Variants in RRP15 observed in about 807,000 individuals in gnomAD.
The protein encoded by RRP15 is ribosomal RNA processing 15 homolog.
RRP15 carries 18 observed loss-of-function variants against 27.1 expected under a neutral mutation model. That is an observed-to-expected ratio of 0.66 (90% CI 0.46 to 0.98). The LOEUF (loss-of-function observed/expected upper bound fraction) is 0.98, where lower values mean the gene tolerates loss of function less well. Among genes scored for constraint, RRP15 ranks in the 50% least tolerant of loss-of-function variants. RRP15 has a pLI of 0.00. For missense variants in RRP15, 359 were observed against 337.8 expected (o/e 1.06, Z -0.49); for synonymous variants, 107 against 109.4 (o/e 0.98, Z 0.14).
chr1:218,302,480 C>G lies in RRP15; in HGVS notation c.326C>G (p.Pro109Arg), dbSNP rs1655827214. The change falls in exon 2 of 5, where the codon CCT becomes CGT. Residue 109 changes from proline (P) to arginine (R), a missense_variant. Transcript: ENST00000366932. ...AACAAGAAAACTCCTGAAAGTAAAC[C>G]TACTATTCTGGTCAAAAATAAGAAG... ...VLNKKTPESK[P>R]TILVKNKKLE... is the part of the protein sequence containing the mutation. The G allele has an allele frequency of 6.2e-7, 1 of 1,614,036 alleles. No homozygotes were observed. Among genetic ancestry groups the G allele is most frequent in the Non-Finnish European group, 8.5e-7 (1 of 1,179,998 alleles).
chr1:218,316,046 T>C (rs1656085483), intron 4 of RRP15, among the ~76,000 whole-genome samples: 1 of 152,198 alleles, frequency 6.6e-6, no homozygotes, highest in African/African-American at 2.4e-5. Flanking sequence ...CAGTTTCCCA[T>C]TGTATTTATG....
intron 4 of RRP15, among the ~76,000 whole-genome samples, chr1:218,319,386 A>G (rs1558210371): frequency 6.6e-6 from 1 of 152,126 alleles, no homozygotes; most frequent in Non-Finnish European, 1.5e-5. Flanking sequence ...TTAAAATGTC[A>G]TGGACATAGG....
chr1:218,305,877 C>T (rs1274422375), intron 3 of RRP15, among the ~76,000 whole-genome samples: 1 of 151,998 alleles, frequency 6.6e-6, no homozygotes, highest in Non-Finnish European at 1.5e-5. Context: ...AGCCAGTGCT[C>T]GGTTCAAATC....
chr1:218,313,232 A>G (rs1230246372), intron 4 of RRP15, among the ~76,000 whole-genome samples: 1 of 152,190 alleles, frequency 6.6e-6, no homozygotes, highest in East Asian at 1.9e-4. Context: ...TGGTCAGAAG[A>G]CCAATTAGTG....
chr1:218,296,635 C>G (rs1366997967), intron 1 of RRP15, among the ~76,000 whole-genome samples: 10 of 149,776 alleles, frequency 6.7e-5, no homozygotes, highest in African/African-American at 2.5e-4. Flanking sequence ...CAGAGTGAGA[C>G]CTTGTCTCAA....
chr1:218,315,081 T>G (rs1345957708), intron 4 of RRP15, among the ~76,000 whole-genome samples: 1 of 152,116 alleles, frequency 6.6e-6, no homozygotes, highest in Non-Finnish European at 1.5e-5. Flanking sequence ...AAAGAGTTAC[T>G]GGAAGAGTCC....
At chr1:218,307,386 G>T in intron 3 of RRP15, 45 bp from the exon 4 acceptor site, 1 of 1,507,976 alleles carries the variant, frequency 6.6e-7, no homozygotes, top group East Asian at 2.3e-5. Flanking sequence ...TTGTATTCTA[G>T]GGTAATTATT....
In RRP15 at chr1:218,336,161, G is replaced by T. The variant is rs1460118532; in HGVS notation, c.*5070G>T. On this transcript the variant is annotated 3_prime_UTR_variant, in exon 5 of 5. Transcript: ENST00000366932. ...GTTTCCTAAGTAAGTGTATTTAGTT[G>T]TAGGACCTTAGAGTTGCCTAGGTCC... The T allele has an allele frequency of 2.0e-5, 3 of 152,080 alleles. No individual in the cohort carries two copies. The highest frequency in any genetic ancestry group is 3.9e-4 in the East Asian group (2 of 5,186). 9.4% of individuals were successfully genotyped at this position (152,080 alleles called of 1,614,324 possible).
At chr1:218,305,495 A>G (rs1327621149) in intron 3 of RRP15, among the ~76,000 whole-genome samples, 1 of 152,198 alleles carries the variant, frequency 6.6e-6, no homozygotes, top group Non-Finnish European at 1.5e-5. Context: ...TAGCTATTTC[A>G]TGCTATCTTT....
At chr1:218,306,585 A>C (rs574617904) in intron 3 of RRP15, among the ~76,000 whole-genome samples, 1 of 152,322 alleles carries the variant, frequency 6.6e-6, no homozygotes, top group East Asian at 1.9e-4. Context: ...GCCTCTTATT[A>C]GAGCAAGAAA....
At chr1:218,325,440 A>C (rs143542737) in intron 4 of RRP15, among the ~76,000 whole-genome samples, 1 of 152,308 alleles carries the variant, frequency 6.6e-6, no homozygotes, top group African/African-American at 2.4e-5. Flanking sequence ...TATGTCTGAA[A>C]ATACCTCTGT....
Position 218,337,284 on chromosome 1 carries a change from A to G in RRP15, c.*6193A>G, listed in dbSNP as rs1243224504. ...TTTCTAGATAGAATTCCCCCCAACA[A>G]AAATTTAAAGTCTAACAGGTGGTAG... On this transcript the variant is annotated 3_prime_UTR_variant, in exon 5 of 5. Coordinates refer to ENST00000366932, the MANE Select transcript of RRP15 (RefSeq NM_016052.4). 1 of 152,134 alleles carries G rather than the reference A, an allele frequency of 6.6e-6. No homozygotes were observed. The highest frequency in any genetic ancestry group is 1.5e-5 in the Non-Finnish European group (1 of 68,006). The allele number at this position is 152,134 out of a possible 1,614,324, so 9.4% of individuals were successfully genotyped here.
rs1188143517 is a variant in RRP15 at position 218,302,529 on chromosome 1, A to G, written c.375A>G (p.Leu125=). 1 of 1,612,888 alleles carries G rather than the reference A, an allele frequency of 6.2e-7. No homozygotes were observed. The highest frequency in any genetic ancestry group is 2.2e-5 in the East Asian group (1 of 44,894). Residue 125 remains leucine (L), a synonymous_variant, in exon 2 of 5, where the codon TTA becomes TTG. Transcript: ENST00000366932. ...NKKLEKEKEK[L]KQERLEKIKQ... is the part of the protein sequence containing the mutation. ...AGCTGGAAAAGGAAAAAGAAAAGTT[A>G]AAGCAAGAAAGACTAGAGAAAATAA...
At chr1:218,300,763 A>T (rs1655798968) in intron 1 of RRP15, among the ~76,000 whole-genome samples, 1 of 152,246 alleles carries the variant, frequency 6.6e-6, no homozygotes, top group African/African-American at 2.4e-5. Context: ...TAGACTTCTC[A>T]GAAGGTAGAA....
chr1:218,316,835 G>A (rs1446836418), intron 4 of RRP15, among the ~76,000 whole-genome samples: 1 of 152,144 alleles, frequency 6.6e-6, no homozygotes, highest in Non-Finnish European at 1.5e-5. Context: ...ATTTGAAGGG[G>A]AACTCTTACT....
intron 2 of RRP15, among the ~76,000 whole-genome samples, chr1:218,303,549 T>C (rs1437543078): frequency 6.6e-6 from 1 of 152,198 alleles, no homozygotes; most frequent in Non-Finnish European, 1.5e-5. Context: ...GCTTTTCAAC[T>C]GAAAATTTGA....
chr1:218,296,293 TTTTTAA>T (rs1655718483), intron 1 of RRP15, among the ~76,000 whole-genome samples: 2 of 152,142 alleles, frequency 1.3e-5, no homozygotes, highest in Non-Finnish European at 1.5e-5. Flanking sequence ...TTTGAGCATG[TTTTTAA>T]CTTTTCTAAG....
intron 1 of RRP15, among the ~76,000 whole-genome samples, chr1:218,290,862 G>C (rs921704691): frequency 6.6e-6 from 1 of 152,156 alleles, no homozygotes; most frequent in South Asian, 2.1e-4. Flanking sequence ...CATGCGGGGG[G>C]CATACATCTG....
At position 218,333,423 on chromosome 1, in the gene RRP15, C is replaced by T. The variant is rs1656403283; in HGVS notation, c.*2332C>T. 1 of 152,168 alleles carries T rather than the reference C, an allele frequency of 6.6e-6. No individual in the cohort carries two copies. Among genetic ancestry groups the T allele is most frequent in the African/African-American group, 2.4e-5 (1 of 41,444 alleles). 9.4% of individuals were successfully genotyped at this position (152,168 alleles called of 1,614,324 possible). On this transcript the variant is annotated 3_prime_UTR_variant, in exon 5 of 5. Transcript: ENST00000366932. ...ACCCCTATTCTAAATATTTTACCTA[C>T]AACATTTAAATTATTCTGATATCAA...
Sources: allele counts gnomAD v4.1 joint callset (sites outside exome capture counted in the v4.1 genomes callset), GRCh38; gene constraint gnomAD v4.1.1; transcripts MANE v1.5; gene names NCBI Gene and HGNC (gene_info 2026-07-23, HGNC 2026-07-21).